GOT1: variants seen among roughly 807,000 people sequenced by gnomAD.
GOT1 encodes aspartate aminotransferase, cytoplasmic.
GOT1 carries 25 observed loss-of-function variants against 48.2 expected under a neutral mutation model. The ratio of observed to expected loss-of-function variants is 0.52; its 90% confidence interval spans 0.38 to 0.72. The LOEUF is 0.72. Among genes scored for constraint, GOT1 ranks in the 30% least tolerant of loss-of-function variants. GOT1 has a pLI of 0.00. For synonymous variants in GOT1, 188 were observed against 193.8 expected (o/e 0.97, Z 0.25); for missense variants, 380 against 520.1 (o/e 0.73, Z 2.62).
chr10:99,430,242 C>A (rs2033099373), intron 1 of GOT1: 1 of 1,452,920 alleles, frequency 6.9e-7, no homozygotes, highest in African/African-American at 1.4e-5. Context: ...CGGCCTCGGA[C>A]ACATCGCCCC....
intron 2 of GOT1, among the ~76,000 whole-genome samples, chr10:99,412,197 A>G (rs1446250886): frequency 2.0e-5 from 3 of 152,064 alleles, no homozygotes; most frequent in Non-Finnish European, 4.4e-5. Context: ...GACTCTTAGA[A>G]TGTCAGGACC....
At chr10:99,400,097 T>C (rs1178973935) in intron 8 of GOT1, among the ~76,000 whole-genome samples, 1 of 152,142 alleles carries the variant, frequency 6.6e-6, no homozygotes, top group Non-Finnish European at 1.5e-5. Flanking sequence ...AAGGGAAGTG[T>C]CACAGTTTGA....
At chr10:99,430,420 C>T in intron 1 of GOT1, 28 bp downstream of exon 1, 2 of 1,601,876 alleles carry the variant, frequency 1.2e-6, no homozygotes, top group Non-Finnish European at 1.7e-6. Flanking sequence ...CCCCGAGCTG[C>T]TCACACTCCA....
At chr10:99,426,873 A>T (rs569301840) in intron 1 of GOT1, among the ~76,000 whole-genome samples, 195 of 152,356 alleles carry the variant, frequency 1.3e-3, no homozygotes, top group African/African-American at 4.4e-3. Flanking sequence ...CATTAACTAG[A>T]TAACCTCCAT....
In GOT1 at chr10:99,430,604, C is replaced by T. The variant is rs748965656; in HGVS notation, c.-39G>A. 2.6e-6 allele frequency: 4 copies of T among 1,520,938 alleles called. No homozygotes were observed. Among genetic ancestry groups the T allele is most frequent in the East Asian group, 2.3e-5 (1 of 43,654 alleles). 94.2% of individuals were successfully genotyped at this position (1,520,938 alleles called of 1,614,324 possible). A position where few individuals can be genotyped will look rare whatever the true frequency, so the allele number is the denominator to read the frequency against. On this transcript the variant is annotated 5_prime_UTR_variant, in exon 1 of 9. Transcript: ENST00000370508. ...GAATCAAGAGATTTCACCCCACGCC[C>T]GGAGCTGGCAGGTCAGGTCTGGCCG...
chr10:99,427,939 A>G (rs1454225388), intron 1 of GOT1, among the ~76,000 whole-genome samples: 1 of 152,230 alleles, frequency 6.6e-6, no homozygotes, highest in African/African-American at 2.4e-5. Context: ...GTGAGATTAC[A>G]TGCATAAATA....
chr10:99,404,384 A>C (rs368095220), intron 5 of GOT1, among the ~76,000 whole-genome samples: 1 of 152,184 alleles, frequency 6.6e-6, no homozygotes, highest in Non-Finnish European at 1.5e-5. Context: ...GGAACTGTCC[A>C]AATCTTTGGT....
intron 2 of GOT1, among the ~76,000 whole-genome samples, chr10:99,414,468 G>T (rs1402617415): frequency 1.3e-5 from 2 of 152,080 alleles, no homozygotes; most frequent in African/African-American, 4.8e-5. Flanking sequence ...CAAAGGGACT[G>T]AGACTCCCAT....
In GOT1 at chr10:99,405,740, C is replaced by T; in HGVS notation, c.642+16G>A. ...TATATACTATTTTTTAAGAGATGCT[C>T]TGAAGGGGCAGTTACCTTCATGACA... On this transcript the variant is annotated intron_variant, in intron 5 of 8. Coordinates refer to ENST00000370508, the MANE Select transcript of GOT1 (RefSeq NM_002079.3). 8.4e-7 allele frequency: 1 copy of T among 1,196,444 alleles called. No homozygotes were observed. 74.1% of individuals were successfully genotyped at this position (1,196,444 alleles called of 1,614,324 possible).
At chr10:99,410,769 T>C (rs2134101455) in intron 2 of GOT1, among the ~76,000 whole-genome samples, 1 of 152,336 alleles carries the variant, frequency 6.6e-6, no homozygotes, top group African/African-American at 2.4e-5. Flanking sequence ...CCTAAGAATG[T>C]CCTGTACTTG....
At chr10:99,412,581 C>T (rs961022408) in intron 2 of GOT1, among the ~76,000 whole-genome samples, 1 of 151,898 alleles carries the variant, frequency 6.6e-6, no homozygotes. Flanking sequence ...CCCTGTCTGA[C>T]AGCTTTGAAG....
chr10:99,404,148 G>C (rs190451527), intron 5 of GOT1, among the ~76,000 whole-genome samples: 3 of 152,326 alleles, frequency 2.0e-5, no homozygotes, highest in Non-Finnish European at 4.4e-5. Context: ...GATGCAAGGA[G>C]ACAATGTCCT....
At chr10:99,399,736 G>T (rs1009727663) in intron 8 of GOT1, among the ~76,000 whole-genome samples, 61 of 152,296 alleles carry the variant, frequency 4.0e-4, no homozygotes, top group African/African-American at 1.4e-3. Flanking sequence ...TTGTGACGCC[G>T]CACTCCAGCC....
rs977235705 is a variant in GOT1 at position 99,423,976 on chromosome 10, C to G, written c.119-3171G>C. Among the ~76,000 whole-genome samples the G allele has an allele frequency of 6.6e-5, 10 of 152,086 alleles. No individual in the cohort carries two copies. The East Asian group carries it at 1.9e-3, about 29-fold the overall frequency. On this transcript the variant is annotated intron_variant, in intron 1 of 8. Coordinates refer to ENST00000370508, the MANE Select transcript of GOT1 (RefSeq NM_002079.3). ...TGGCCCAACTCACAATACTCTCATA[C>G]CATTCATGATATACCCCTTAGTCCA... is the stretch of plus-strand genomic sequence containing the variant.
At chr10:99,430,308 G>C (rs1340954179) in intron 1 of GOT1, 140 bp downstream of exon 1, 3 of 1,593,116 alleles carry the variant, frequency 1.9e-6, no homozygotes, top group Non-Finnish European at 2.6e-6. Context: ...GGAAGCCTTC[G>C]TGGATCCAGC....
intron 1 of GOT1, among the ~76,000 whole-genome samples, chr10:99,426,297 G>A (rs2033037296): frequency 6.6e-6 from 1 of 152,100 alleles, no homozygotes; most frequent in Admixed American, 6.5e-5. Flanking sequence ...GGGCCCAGCA[G>A]TCTTGCTTTG....
chr10:99,423,697 A>G (rs1041926308), intron 1 of GOT1, among the ~76,000 whole-genome samples: 2 of 152,128 alleles, frequency 1.3e-5, no homozygotes, highest in African/African-American at 4.8e-5. Context: ...TGCCCAGGTG[A>G]GAGTGCAGTG....
chr10:99,421,973 T>C (rs2032974828), intron 1 of GOT1, among the ~76,000 whole-genome samples: 1 of 152,200 alleles, frequency 6.6e-6, no homozygotes, highest in Non-Finnish European at 1.5e-5. Flanking sequence ...ATAAACATTA[T>C]AATTAACATG....
chr10:99,422,267 A>C (rs1387590474), intron 1 of GOT1, among the ~76,000 whole-genome samples: 2 of 152,154 alleles, frequency 1.3e-5, no homozygotes, highest in East Asian at 3.9e-4. Flanking sequence ...CATGATTGTA[A>C]GTTTCCTGAG....
Sources: allele counts gnomAD v4.1 joint callset (sites outside exome capture counted in the v4.1 genomes callset), GRCh38; gene constraint gnomAD v4.1.1; transcripts MANE v1.5; gene names NCBI Gene and HGNC (gene_info 2026-07-23, HGNC 2026-07-21).